Variants in JPH3 observed in about 807,000 individuals in gnomAD.
JPH3 encodes junctophilin 3.
A neutral mutation model predicts 59.6 loss-of-function variants in JPH3; 11 were observed. That is an observed-to-expected ratio of 0.18 (90% confidence interval 0.12 to 0.31). The LOEUF (loss-of-function observed/expected upper bound fraction) is 0.31. Ranked by LOEUF, JPH3 falls within the 10% of genes least tolerant of loss-of-function variation. The pLI is 1.00. For synonymous variants in JPH3, 673 were observed against 483.6 expected, an observed-to-expected ratio of 1.39 and a Z score of -5.14; for missense variants, 1,202 against 1,105.7, an observed-to-expected ratio of 1.09 and a Z score of -1.24.
chr16:87,621,313 C>G (rs1403330847), intron 1 of JPH3, among the ~76,000 whole-genome samples: 1 of 152,188 alleles, frequency 6.6e-6, no homozygotes, highest in Non-Finnish European at 1.5e-5. Flanking sequence ...AGGAGGTGGC[C>G]ACTCCAAAAT....
intron 4 of JPH3, chr16:87,694,295 G>C (rs951896020): frequency 5.3e-5 from 8 of 152,314 alleles, no homozygotes; most frequent in African/African-American, 1.9e-4. Flanking sequence ...CAGGCACCCA[G>C]GGAAGACCAG....
chr16:87,604,382 C>T, intron 1 of JPH3: 3 of 1,433,098 alleles, frequency 2.1e-6, no homozygotes, highest in South Asian at 2.4e-5. Flanking sequence ...TGCCCGCCTG[C>T]CTGGACTCTC....
intron 4 of JPH3, 26 bp downstream of exon 4, chr16:87,690,552 C>G: frequency 6.9e-7 from 1 of 1,447,452 alleles, no homozygotes; most frequent in Non-Finnish European, 9.1e-7. Context: ...CCAGGCTGGT[C>G]CCAGTGGAGG....
intron 2 of JPH3, among the ~76,000 whole-genome samples, chr16:87,646,048 G>C (rs2032137958): frequency 6.6e-6 from 1 of 152,240 alleles, no homozygotes; most frequent in African/African-American, 2.4e-5. Flanking sequence ...TCTGGGAGCT[G>C]CGGGGGAGTC....
At chr16:87,655,024 C>T (rs901804368) in intron 2 of JPH3, 1 of 152,194 alleles carries the variant, frequency 6.6e-6, no homozygotes, top group Non-Finnish European at 1.5e-5. Context: ...CGGCAAGTTT[C>T]CTTAGCCAGG....
At chr16:87,661,623 C>T (rs529076886) in intron 2 of JPH3, among the ~76,000 whole-genome samples, 1 of 152,244 alleles carries the variant, frequency 6.6e-6, no homozygotes, top group Non-Finnish European at 1.5e-5. Context: ...ACACACCCCA[C>T]TTTATCCGGA....
intron 2 of JPH3, among the ~76,000 whole-genome samples, chr16:87,671,877 C>T (rs2033025026): frequency 6.6e-6 from 1 of 152,210 alleles, no homozygotes; most frequent in African/African-American, 2.4e-5. Flanking sequence ...TTCAGCAGGA[C>T]AGTAAAAAGG....
At chr16:87,631,981 C>T (rs539301203) in intron 1 of JPH3, among the ~76,000 whole-genome samples, 13 of 152,296 alleles carry the variant, frequency 8.5e-5, no homozygotes, top group Admixed American at 5.2e-4. Context: ...TTCTGATTCC[C>T]CCTCTTTTTT....
chr16:87,690,429 T>G lies in JPH3; in HGVS notation c.2069T>G (p.Leu690Trp). The G allele has an allele frequency of 6.7e-7, 1 of 1,499,176 alleles. No homozygotes were observed. Among genetic ancestry groups the G allele is most frequent in the East Asian group, 2.4e-5 (1 of 41,926 alleles). 92.9% of individuals were successfully genotyped at this position (1,499,176 alleles called of 1,614,324 possible). A position where few individuals can be genotyped will look rare whatever the true frequency, so the allele number is the denominator to read the frequency against. The stretch of plus-strand genomic sequence containing the variant: ...CGGCTGGGCGGGGCCGAGCCCCGGT[T>G]GCTGCGTTGGGACTTGACCTTCTCC... ...SLRLGGAEPR[L>W]LRWDLTFSPP... The change falls in exon 4 of 5, where the codon TTG (leucine) becomes TGG (tryptophan). Residue 690 changes from leucine to tryptophan, a missense_variant. By Grantham distance (61) the Leu-to-Trp change is moderately conservative. Transcript: ENST00000284262.
chr16:87,616,243 T>C (rs1418373529), intron 1 of JPH3, among the ~76,000 whole-genome samples: 20 of 149,312 alleles, frequency 1.3e-4, no homozygotes, highest in Admixed American at 1.2e-3. Context: ...TGTGTATTTT[T>C]TTTTTTTTGA....
At chr16:87,648,565 G>A (rs554424085) in intron 2 of JPH3, among the ~76,000 whole-genome samples, 2 of 152,314 alleles carry the variant, frequency 1.3e-5, no homozygotes, top group Admixed American at 6.5e-5. Flanking sequence ...CAGCTCTGCA[G>A]GGAAGGGAAG....
intron 1 of JPH3, among the ~76,000 whole-genome samples, chr16:87,617,401 G>A (rs544683664): frequency 5.3e-5 from 8 of 152,106 alleles, no homozygotes; most frequent in Non-Finnish European, 1.2e-4. Context: ...CAACTCTCAG[G>A]TCCAGGTTTT....
At chr16:87,690,917 C>T (rs966774458) in intron 4 of JPH3, among the ~76,000 whole-genome samples, 1 of 152,336 alleles carries the variant, frequency 6.6e-6, no homozygotes, top group Admixed American at 6.5e-5. Context: ...TGGATAGGAA[C>T]CCAGAGGCGA....
At chr16:87,626,983 A>T (rs1009672343) in intron 1 of JPH3, among the ~76,000 whole-genome samples, 4 of 152,154 alleles carry the variant, frequency 2.6e-5, no homozygotes, top group African/African-American at 9.7e-5. Context: ...TCTATTTATT[A>T]AAAAAAAGTT....
intron 1 of JPH3, 93 bp from the exon 2 acceptor site, chr16:87,644,165 G>T (rs968434561): frequency 2.5e-5 from 33 of 1,325,168 alleles, no homozygotes; most frequent in Non-Finnish European, 3.2e-5. Context: ...AGGAAGCTCA[G>T]ACAGGACTGT....
At chr16:87,620,255 C>G (rs2031122944) in intron 1 of JPH3, among the ~76,000 whole-genome samples, 1 of 151,530 alleles carries the variant, frequency 6.6e-6, no homozygotes, top group South Asian at 2.1e-4. Context: ...ATGGTGCATT[C>G]CTGTGTGGAA....
At chr16:87,691,542 C>T (rs1296822339) in intron 4 of JPH3, among the ~76,000 whole-genome samples, 1 of 152,142 alleles carries the variant, frequency 6.6e-6, no homozygotes, top group Admixed American at 6.5e-5. Context: ...GACGCTGCGG[C>T]AGGGGTCGGT....
At chr16:87,688,317 T>C (rs1432176510) in intron 3 of JPH3, among the ~76,000 whole-genome samples, 3 of 152,182 alleles carry the variant, frequency 2.0e-5, no homozygotes. Flanking sequence ...CACTGCCTCT[T>C]AGACCAGCAA....
At chr16:87,682,465 T>A (rs535541166) in intron 2 of JPH3, among the ~76,000 whole-genome samples, 3 of 152,262 alleles carry the variant, frequency 2.0e-5, no homozygotes, top group African/African-American at 7.2e-5. Flanking sequence ...GGCTGAGGAC[T>A]GAGCCTCATA....
Sources: gnomAD v4.1 joint callset for allele counts (sites outside exome capture counted in the v4.1 genomes callset) on GRCh38, gnomAD v4.1.1 for gene constraint, MANE v1.5 for transcripts, NCBI Gene and HGNC (gene_info 2026-07-23, HGNC 2026-07-21) for gene names.